Variants in THSD7B observed in about 807,000 individuals in gnomAD.
THSD7B encodes the protein thrombospondin type 1 domain containing 7B, also known as thrombospondin type-1 domain-containing protein 7B.
In THSD7B, 138 loss-of-function variants were observed where a neutral mutation model predicts 213.6. The observed-to-expected ratio is 0.65, with a 90% CI of 0.56 to 0.74. The LOEUF (loss-of-function observed/expected upper bound fraction) is 0.74. Among genes scored for constraint, THSD7B ranks in the 30% least tolerant of loss-of-function variants. The probability of loss-of-function intolerance (pLI) is 0.00; values close to 1 mark genes in which losing one functional copy is unlikely to be tolerated. For missense variants in THSD7B, 1,931 were observed against 1,991.5 expected, an observed-to-expected ratio of 0.97 and a Z score of 0.58; for synonymous variants, 742 against 687.0, an observed-to-expected ratio of 1.08 and a Z score of -1.25.
At chr2:136,948,442 C>A (rs1684979684) in intron 2 of THSD7B, among the ~76,000 whole-genome samples, 1 of 151,480 alleles carries the variant, frequency 6.6e-6, no homozygotes. Flanking sequence ...TTTTTCATGC[C>A]TCATATATAT....
chr2:136,806,187 T>A (rs1682277898), intron 1 of THSD7B, among the ~76,000 whole-genome samples: 1 of 152,202 alleles, frequency 6.6e-6, no homozygotes, highest in Non-Finnish European at 1.5e-5. Context: ...GGATAAAATT[T>A]TTTTATCTTT....
intron 15 of THSD7B, among the ~76,000 whole-genome samples, chr2:137,503,952 G>A: frequency 6.6e-6 from 1 of 151,566 alleles, no homozygotes; most frequent in Non-Finnish European, 1.5e-5. Context: ...GCTTGAACCT[G>A]GGAGACAGAG....
intron 15 of THSD7B, among the ~76,000 whole-genome samples, chr2:137,498,612 G>A (rs540526508): frequency 6.6e-6 from 1 of 152,138 alleles, no homozygotes; most frequent in South Asian, 2.1e-4. Flanking sequence ...TTGTTGAAGA[G>A]AGAATGGAAT....
chr2:136,778,740 G>A (rs1681660257), intron 1 of THSD7B, among the ~76,000 whole-genome samples: 1 of 151,986 alleles, frequency 6.6e-6, no homozygotes, highest in Non-Finnish European at 1.5e-5. Flanking sequence ...TCACCTTAAG[G>A]AAGTTCAAGA....
chr2:136,971,321 T>C (rs1018963164), intron 2 of THSD7B, among the ~76,000 whole-genome samples: 2 of 152,166 alleles, frequency 1.3e-5, no homozygotes, highest in South Asian at 2.1e-4. Flanking sequence ...TTTATACTTA[T>C]GGTTCTGGCA....
At position 137,411,618 on chromosome 2, in the gene THSD7B, G is replaced by C. The variant is rs1381032574; in HGVS notation, c.2705G>C (p.Arg902Thr). 6.2e-7 allele frequency: 1 copy of C among 1,610,694 alleles called. No homozygotes were observed. The highest frequency in any genetic ancestry group is 8.5e-7 in the Non-Finnish European group (1 of 1,177,542). The change falls in exon 14 of 28, where the codon AGA (arginine) becomes ACA (threonine). Residue 902 changes from arginine to threonine, a missense_variant. Coordinates refer to ENST00000409968, the MANE Select transcript of THSD7B (RefSeq NM_001316349.2). ...SRRRQLTGKS[R>T]KKEKCQDSDL... Reference sequence around the variant, plus strand: ...TCTCTTGTTGGAACAGGGAAAAGCAGAAAGAAGGAGAAATGCCAGGATTCT... The same window carrying C: ...TCTCTTGTTGGAACAGGGAAAAGCACAAAGAAGGAGAAATGCCAGGATTCT...
At chr2:136,797,844 C>T (rs1682102054) in intron 1 of THSD7B, among the ~76,000 whole-genome samples, 1 of 151,956 alleles carries the variant, frequency 6.6e-6, no homozygotes. Context: ...AGTTATTTAA[C>T]ATCAAAACTT....
chr2:137,353,572 A>C (rs931164681), intron 12 of THSD7B, among the ~76,000 whole-genome samples: 1 of 152,138 alleles, frequency 6.6e-6, no homozygotes, highest in East Asian at 1.9e-4. Context: ...ATGAGAGATC[A>C]TTCTTCCAGA....
chr2:137,334,194 C>CTT (rs1408846019), intron 12 of THSD7B, among the ~76,000 whole-genome samples: 104 of 138,080 alleles, frequency 7.5e-4, no homozygotes, highest in Middle Eastern at 7.4e-3. Flanking sequence ...CTCTCTCTCT[C>CTT]TCTCTCTTTC....
intron 15 of THSD7B, among the ~76,000 whole-genome samples, chr2:137,546,405 T>A (rs183176095): frequency 0.05 from 1,321 of 26,304 alleles, 64 homozygotes; most frequent in Middle Eastern, 0.083. Context: ...TTATATATAT[T>A]ATATATATAT....
chr2:137,672,692 G>C (rs1296210656), intron 27 of THSD7B, among the ~76,000 whole-genome samples: 2 of 152,202 alleles, frequency 1.3e-5, no homozygotes, highest in Admixed American at 1.3e-4. Context: ...CTTAGGACAA[G>C]AGAACTGCTA....
rs566072002 is a variant in THSD7B, at chr2:137,148,218, A to C, written c.1370-11995A>C. Among the ~76,000 whole-genome samples, 4 of 152,112 alleles carry C rather than the reference A, an allele frequency of 2.6e-5. No homozygotes were observed. The South Asian group carries it at 8.3e-4, about 32-fold the overall frequency. On this transcript the variant is annotated intron_variant, in intron 5 of 27. Transcript: ENST00000409968. ...CTCTGCATTTCTCATTGCTGCTGCC[A>C]TGTGAAGGACGTGTTTGCTTCCCCT...
intron 12 of THSD7B, among the ~76,000 whole-genome samples, chr2:137,377,634 T>C (rs961408842): frequency 1.3e-4 from 19 of 148,888 alleles, no homozygotes; most frequent in Non-Finnish European, 4.5e-5. Context: ...AAAATTCACT[T>C]TTTTTTTTTT....
chr2:137,437,909 A>G (rs573320093), intron 14 of THSD7B, among the ~76,000 whole-genome samples: 5 of 152,296 alleles, frequency 3.3e-5, no homozygotes, highest in African/African-American at 1.2e-4. Context: ...TGCATGCCAC[A>G]GAGGTTTTGG....
chr2:137,332,157 C>A (rs1006462725), intron 12 of THSD7B, among the ~76,000 whole-genome samples: 2 of 152,018 alleles, frequency 1.3e-5, no homozygotes, highest in Non-Finnish European at 2.9e-5. Context: ...ACTGCCAGCA[C>A]CCTGTCACCT....
intron 2 of THSD7B, among the ~76,000 whole-genome samples, chr2:136,962,110 A>G (rs1028119382): frequency 6.6e-6 from 1 of 152,238 alleles, no homozygotes; most frequent in Non-Finnish European, 1.5e-5. Context: ...TCATATTTGC[A>G]TCTGGAGAAA....
At chr2:137,090,624 T>C (rs915736874) in intron 3 of THSD7B, among the ~76,000 whole-genome samples, 2 of 152,246 alleles carry the variant, frequency 1.3e-5, no homozygotes. Flanking sequence ...GCATGTTCTA[T>C]ACATGTGACA....
At chr2:136,946,340 C>T (rs1450450473) in intron 2 of THSD7B, among the ~76,000 whole-genome samples, 2 of 152,102 alleles carry the variant, frequency 1.3e-5, no homozygotes, top group Non-Finnish European at 2.9e-5. Context: ...GCTGCCCGAT[C>T]CTTCCTCTGG....
intron 9 of THSD7B, among the ~76,000 whole-genome samples, chr2:137,235,844 A>G (rs10195563): frequency 0.41 from 62,444 of 151,942 alleles, 13,561 homozygotes; most frequent in African/African-American, 0.56. Flanking sequence ...CAAATATAAA[A>G]GCATTGCTAA....
Sources: allele counts gnomAD v4.1 joint callset (sites outside exome capture counted in the v4.1 genomes callset), GRCh38; gene constraint gnomAD v4.1.1; transcripts MANE v1.5; gene names NCBI Gene and HGNC (gene_info 2026-07-23, HGNC 2026-07-21).